DPP10: variants seen among roughly 807,000 people sequenced by gnomAD.
DPP10 encodes dipeptidyl peptidase like 10.
Under a neutral mutation model 120.9 loss-of-function variants are expected in DPP10, and 33 were observed. That is an observed-to-expected ratio of 0.27 (90% CI 0.21 to 0.37). DPP10 has a LOEUF of 0.37. DPP10 is among the 10% of genes least tolerant of loss of function. DPP10 has a pLI of 1.00. For missense variants in DPP10, 816 were observed against 942.8 expected, an observed-to-expected ratio of 0.87 and a Z score of 1.76; for synonymous variants, 337 against 326.1, an observed-to-expected ratio of 1.03 and a Z score of -0.36.
intron 1 of DPP10, among the ~76,000 whole-genome samples, chr2:114,870,335 T>C (rs1690584286): frequency 6.6e-6 from 1 of 152,186 alleles, no homozygotes; most frequent in East Asian, 1.9e-4. Flanking sequence ...AAACATTGAA[T>C]ACATATTTGA....
intron 1 of DPP10, among the ~76,000 whole-genome samples, chr2:115,266,123 A>G (rs963593581): frequency 6.6e-6 from 1 of 152,162 alleles, no homozygotes; most frequent in Non-Finnish European, 1.5e-5. Flanking sequence ...AGCAAGACAT[A>G]TTTTAGAAGC....
At chr2:114,462,690 A>G (rs1679028699) in intron 1 of DPP10, among the ~76,000 whole-genome samples, 2 of 152,198 alleles carry the variant, frequency 1.3e-5, no homozygotes, top group African/African-American at 2.4e-5. Context: ...TGTCTCCACT[A>G]TAAAACGCTC....
intron 3 of DPP10, among the ~76,000 whole-genome samples, chr2:115,392,995 T>C (rs1047068433): frequency 1.3e-5 from 2 of 152,198 alleles, no homozygotes; most frequent in African/African-American, 4.8e-5. Context: ...TTGTCATTTA[T>C]ATTATTTCTA....
chr2:115,115,239 A>G (rs896566528), intron 1 of DPP10, among the ~76,000 whole-genome samples: 1 of 152,156 alleles, frequency 6.6e-6, no homozygotes, highest in Non-Finnish European at 1.5e-5. Context: ...TTATTTGAGT[A>G]AATGACTGAG....
At chr2:114,805,650 T>C (rs899739843) in intron 1 of DPP10, among the ~76,000 whole-genome samples, 1 of 152,166 alleles carries the variant, frequency 6.6e-6, no homozygotes, top group African/African-American at 2.4e-5. Context: ...TTTTGTTTTG[T>C]TTTTTCTCCC....
intron 3 of DPP10, among the ~76,000 whole-genome samples, chr2:115,457,424 AGAAT>A (rs1369451160): frequency 6.6e-6 from 1 of 152,170 alleles, no homozygotes; most frequent in African/African-American, 2.4e-5. Flanking sequence ...TATTGCTAAG[AGAAT>A]GAAAAGTCAG....
chr2:115,326,496 A>C (rs1037209692), intron 2 of DPP10, among the ~76,000 whole-genome samples: 2 of 152,076 alleles, frequency 1.3e-5, no homozygotes, highest in African/African-American at 4.8e-5. Flanking sequence ...CCTTCTACCT[A>C]TTAAAACATA....
intron 1 of DPP10, among the ~76,000 whole-genome samples, chr2:114,504,618 T>A (rs1683475937): frequency 1.3e-5 from 2 of 152,228 alleles, no homozygotes; most frequent in South Asian, 4.2e-4. Flanking sequence ...ACAAAGTAGC[T>A]TGCATTCATT....
intron 3 of DPP10, among the ~76,000 whole-genome samples, chr2:115,411,410 GAAC>G (rs66923353): frequency 0.49 from 74,383 of 151,766 alleles, 20,013 homozygotes; most frequent in Non-Finnish European, 0.62. Context: ...CAAAATTGTA[GAAC>G]AACTGGTTTA....
At chr2:115,621,731 G>A (rs1466891976) in intron 5 of DPP10, among the ~76,000 whole-genome samples, 3 of 152,148 alleles carry the variant, frequency 2.0e-5, no homozygotes, top group African/African-American at 7.2e-5. Context: ...CCAGGCTGGA[G>A]GGCAATGTTG....
Position 115,788,843 on chromosome 2 carries a change from G to A in DPP10, c.1532-2238G>A, listed in dbSNP as rs188435513. ...TTTAAAAATATAAGGCAGGCCAGGC[G>A]CGGTGGCTCACGCCTGTAATCCCAG... On this transcript the variant is annotated intron_variant, in intron 17 of 25. Coordinates refer to ENST00000410059, the MANE Select transcript of DPP10 (RefSeq NM_020868.6). Among the ~76,000 whole-genome samples, 86 of 152,266 alleles carry A rather than the reference G, an allele frequency of 5.6e-4. No individual in the cohort carries two copies. In the East Asian group the frequency reaches 0.012, roughly 21 times the overall value.
At chr2:114,977,594 T>G (rs556303632) in intron 1 of DPP10, among the ~76,000 whole-genome samples, 1 of 152,090 alleles carries the variant, frequency 6.6e-6, no homozygotes. Context: ...GTTCTGCAAG[T>G]CAGCAACCTC....
At chr2:115,731,272 C>T (rs937415493) in intron 8 of DPP10, among the ~76,000 whole-genome samples, 6 of 151,932 alleles carry the variant, frequency 3.9e-5, no homozygotes, top group Admixed American at 6.6e-5. Flanking sequence ...GCAGGAAAAT[C>T]GCTTGAACCA....
chr2:115,465,156 T>G (rs2105108789), intron 3 of DPP10, among the ~76,000 whole-genome samples: 1 of 152,156 alleles, frequency 6.6e-6, no homozygotes, highest in East Asian at 1.9e-4. Flanking sequence ...TTCCTATTAC[T>G]TATATAGGTA....
intron 1 of DPP10, among the ~76,000 whole-genome samples, chr2:115,133,178 G>GTTTTT (rs547453162): frequency 1.6e-5 from 1 of 61,652 alleles, no homozygotes; most frequent in African/African-American, 7.2e-5. Flanking sequence ...TATATATATA[G>GTTTTT]TTTTTTTTTT....
chr2:115,394,696 C>G, intron 3 of DPP10, among the ~76,000 whole-genome samples: 1 of 152,118 alleles, frequency 6.6e-6, no homozygotes, highest in Non-Finnish European at 1.5e-5. Context: ...AGGAGTCTAA[C>G]CAAAGGGACT....
intron 1 of DPP10, among the ~76,000 whole-genome samples, chr2:114,515,722 T>C (rs2104613415): frequency 6.6e-6 from 1 of 152,298 alleles, no homozygotes; most frequent in East Asian, 1.9e-4. Flanking sequence ...CTTCTTCCTC[T>C]CCCTTTTCCT....
chr2:114,751,296 A>G (rs1679193493), intron 1 of DPP10, among the ~76,000 whole-genome samples: 2 of 152,202 alleles, frequency 1.3e-5, no homozygotes. Context: ...CCAAATATAT[A>G]CAAGTGCTTT....
intron 1 of DPP10, among the ~76,000 whole-genome samples, chr2:114,663,257 T>G (rs1428268050): frequency 6.8e-6 from 1 of 147,688 alleles, no homozygotes; most frequent in African/African-American, 2.5e-5. Flanking sequence ...TATATATATA[T>G]ATCTATATAT....
Sources: gnomAD v4.1 joint callset for allele counts (sites outside exome capture counted in the v4.1 genomes callset) on GRCh38, gnomAD v4.1.1 for gene constraint, MANE v1.5 for transcripts, NCBI Gene and HGNC (gene_info 2026-07-23, HGNC 2026-07-21) for gene names.